Variants in BRSK2 observed in about 807,000 individuals in gnomAD.
BRSK2 encodes BR serine/threonine kinase 2, also known as serine/threonine-protein kinase BRSK2.
A neutral mutation model predicts 83.3 loss-of-function variants in BRSK2; 19 were observed. The ratio of observed to expected loss-of-function variants is 0.23; its 90% CI spans 0.16 to 0.33. The LOEUF (loss-of-function observed/expected upper bound fraction) is 0.33. BRSK2 is among the 10% of genes least tolerant of loss of function. The pLI, the probability that BRSK2 is intolerant of heterozygous loss-of-function variation, is 1.00. For synonymous variants in BRSK2, 519 were observed against 435.4 expected (o/e 1.19, Z -2.39); for missense variants, 798 against 1,042.3 (o/e 0.77, Z 3.23).
intron 5 of BRSK2, 45 bp from the exon 6 acceptor site, chr11:1,443,061 G>A: frequency 1.3e-6 from 2 of 1,522,256 alleles, no homozygotes; most frequent in South Asian, 2.4e-5. Flanking sequence ...GGGAGGGCCT[G>A]GCAGCGCCCG....
intron 18 of BRSK2, among the ~76,000 whole-genome samples, chr11:1,458,526 GC>G (rs1328126010): frequency 1.3e-5 from 2 of 152,304 alleles, no homozygotes; most frequent in Admixed American, 6.5e-5. Flanking sequence ...AAGGTGGCTA[GC>G]CAGCAGGGGG....
At chr11:1,425,480 C>T (rs960525248) in intron 1 of BRSK2, among the ~76,000 whole-genome samples, 3 of 152,174 alleles carry the variant, frequency 2.0e-5, no homozygotes, top group Admixed American at 6.5e-5. Flanking sequence ...GTGACAGCGA[C>T]GGGGCAGGTT....
At chr11:1,404,184 G>A (rs763870217) in intron 1 of BRSK2, among the ~76,000 whole-genome samples, 34 of 152,156 alleles carry the variant, frequency 2.2e-4, no homozygotes, top group Non-Finnish European at 3.8e-4. Flanking sequence ...TCAGCCCTGC[G>A]GCCACCCTTT....
At chr11:1,401,480 C>G (rs1171430586) in intron 1 of BRSK2, among the ~76,000 whole-genome samples, 1 of 152,180 alleles carries the variant, frequency 6.6e-6, no homozygotes, top group African/African-American at 2.4e-5. Context: ...CCCCTGGGAC[C>G]AGGGCCAGCA....
intron 1 of BRSK2, among the ~76,000 whole-genome samples, chr11:1,393,671 A>T (rs1415120310): frequency 6.6e-6 from 1 of 150,792 alleles, no homozygotes; most frequent in Admixed American, 6.6e-5. Context: ...GGGTCCTGGG[A>T]TGGGAGGAGT....
chr11:1,422,970 A>G (rs1848778068), intron 1 of BRSK2, among the ~76,000 whole-genome samples: 1 of 152,192 alleles, frequency 6.6e-6, no homozygotes. Context: ...TGAGCTCCTC[A>G]GGTGTCTGTG....
intron 16 of BRSK2, 31 bp from the exon 17 acceptor site, chr11:1,456,317 C>A: frequency 6.6e-7 from 1 of 1,522,002 alleles, no homozygotes; most frequent in Non-Finnish European, 8.8e-7. Flanking sequence ...CCTGCCAGGC[C>A]AGCCACGCTC....
intron 1 of BRSK2, among the ~76,000 whole-genome samples, chr11:1,428,878 G>C (rs1415075069): frequency 6.6e-6 from 1 of 151,856 alleles, no homozygotes; most frequent in Non-Finnish European, 1.5e-5. Context: ...ATGGGTGTGT[G>C]CACACGGGTT....
Position 1,461,152 on chromosome 11 carries a change from G to A in BRSK2, c.*429G>A, listed in dbSNP as rs1847454359. 2 of 1,101,584 alleles carry A rather than the reference G, an allele frequency of 1.8e-6. No individual in the cohort carries two copies. Among genetic ancestry groups the A allele is most frequent in the Admixed American group, 2.8e-5 (1 of 35,270 alleles). 68.2% of individuals were successfully genotyped at this position (1,101,584 alleles called of 1,614,324 possible). A position where few individuals can be genotyped will look rare whatever the true frequency, so the allele number is the denominator to read the frequency against. ...AGCTCCGCACGGCCCGTGGGAGGAA[G>A]GCCAGGCTCGGGGGAGCCTCCTCCA... On this transcript the variant is annotated 3_prime_UTR_variant, in exon 20 of 20. Coordinates refer to ENST00000528841, the MANE Select transcript of BRSK2 (RefSeq NM_001256627.2).
chr11:1,453,283 G>A (rs1472293641), intron 15 of BRSK2, among the ~76,000 whole-genome samples: 1 of 152,238 alleles, frequency 6.6e-6, no homozygotes, highest in Non-Finnish European at 1.5e-5. Flanking sequence ...GGCCTCCCTG[G>A]GCCGTCAGGC....
Position 1,449,842 on chromosome 11 carries a change from T to C in BRSK2, c.1287+6T>C. 6.2e-7 allele frequency: 1 copy of C among 1,605,512 alleles called. No homozygotes were observed. The highest frequency in any genetic ancestry group is 8.5e-7 in the Non-Finnish European group (1 of 1,174,862). ...GCCCACTCAGCAGCCCCCGGGTGAG[T>C]GACCCCCCGCCCCCACCCAGCTCGG... On this transcript the variant is annotated splice_donor_region_variant and intron_variant, in intron 13 of 19. Coordinates refer to ENST00000528841, the MANE Select transcript of BRSK2 (RefSeq NM_001256627.2).
At position 1,445,922 on chromosome 11, in the gene BRSK2, AGGCTGCTGGGCCTCCCTCCC is replaced by A; in HGVS notation, c.1226+16_1226+35del. ...CACGGCCAGAGGTGTGTGTGCCCCG[AGGCTGCTGGGCCTCCCTCCC>A]TGGGCCCTGGCTGCGCGGCACTGCC... On this transcript the variant is annotated intron_variant, in intron 12 of 19. Transcript: ENST00000528841. 2.5e-6 allele frequency: 4 copies of A among 1,594,170 alleles called. No individual in the cohort carries two copies. Among genetic ancestry groups the A allele is most frequent in the Non-Finnish European group, 2.6e-6 (3 of 1,168,634 alleles).
In BRSK2 at chr11:1,450,718, G is replaced by A. The variant is rs775180181; in HGVS notation, c.1419G>A (p.Val473=). 1 of 1,602,738 alleles carries A rather than the reference G, an allele frequency of 6.2e-7. No individual in the cohort carries two copies. The highest frequency in any genetic ancestry group is 8.5e-7 in the Non-Finnish European group (1 of 1,176,786). Residue 473 remains valine (V), a synonymous_variant, in exon 14 of 20, where the codon GTG becomes GTA. Transcript: ENST00000528841. ...CGTCCAGCCCCAGCGTCGGAGGGGT[G>A]CCCTGGAGGGCGCGGCTCAACTCCA... ...TPPSSPSVGG[V]PWRARLNSIK... is the part of the protein sequence containing the mutation.
At chr11:1,426,607 C>A (rs554748933) in intron 1 of BRSK2, among the ~76,000 whole-genome samples, 2 of 151,980 alleles carry the variant, frequency 1.3e-5, no homozygotes, top group Non-Finnish European at 2.9e-5. Flanking sequence ...CGCGTGTCTT[C>A]TCTGTGTGAC....
intron 1 of BRSK2, among the ~76,000 whole-genome samples, chr11:1,417,291 C>T (rs1213903773): frequency 1.3e-5 from 2 of 152,234 alleles, no homozygotes; most frequent in African/African-American, 4.8e-5. Flanking sequence ...CTCCACCTCC[C>T]TTTTTTGCTT....
chr11:1,451,021 C>T (rs1308473171), intron 14 of BRSK2, among the ~76,000 whole-genome samples: 1 of 152,236 alleles, frequency 6.6e-6, no homozygotes, highest in Non-Finnish European at 1.5e-5. Flanking sequence ...TGAGTCTACC[C>T]ACTCTGTGTC....
Position 1,440,883 on chromosome 11 carries a change from G to A in BRSK2, c.368G>A (p.Arg123Gln), listed in dbSNP as rs199906333. 1.2e-5 allele frequency: 19 copies of A among 1,609,298 alleles called. No homozygotes were observed. Among genetic ancestry groups the A allele is most frequent in the Admixed American group, 8.4e-5 (5 of 59,684 alleles). The change falls in exon 4 of 20, where the codon CGG (arginine) becomes CAG (glutamine). Residue 123 changes from arginine (R) to glutamine (Q), a missense_variant. Arg to Gln is a conservative substitution (Grantham distance 43, BLOSUM62 1). Transcript: ENST00000528841. ...CCTAAGGAGGCTCGGAAGTTCTTCC[G>A]GCAGATCATCTCTGCGCTGGACTTC... ...LTPKEARKFF[R>Q]QIISALDFCH...
intron 19 of BRSK2, 83 bp from the exon 20 acceptor site, chr11:1,460,417 C>G: frequency 2.2e-4 from 196 of 877,856 alleles, no homozygotes; most frequent in Non-Finnish European, 2.8e-4. Context: ...TTTCTCTCTC[C>G]TTCCCTCCCC....
chr11:1,460,444 CTTT>C (rs945560155), intron 19 of BRSK2, 53 bp from the exon 20 acceptor site: 2 of 1,138,946 alleles, frequency 1.8e-6, no homozygotes, highest in Non-Finnish European at 2.3e-6. Flanking sequence ...TTCTCTCCCC[CTTT>C]TTTTTCTTTT....
Sources: allele counts gnomAD v4.1 joint callset (sites outside exome capture counted in the v4.1 genomes callset), GRCh38; gene constraint gnomAD v4.1.1; transcripts MANE v1.5; gene names NCBI Gene and HGNC (gene_info 2026-07-23, HGNC 2026-07-21).